The following CREG2 variants were observed in gnomAD, a reference collection of about 807,000 sequenced individuals.
CREG2 encodes the protein protein CREG2.
Under a neutral mutation model 26.2 loss-of-function variants are expected in CREG2, and 24 were observed. The observed-to-expected ratio is 0.92, with a 90% CI of 0.66 to 1.29. The LOEUF is 1.29. CREG2 is among the 50% of genes most tolerant of loss of function. The pLI is 0.00. For synonymous variants in CREG2, 174 were observed against 169.2 expected, an observed-to-expected ratio of 1.03 and a Z score of -0.22; for missense variants, 366 against 398.6, an observed-to-expected ratio of 0.92 and a Z score of 0.70.
chr2:101,364,352 A>G (rs1684589369), intron 2 of CREG2, among the ~76,000 whole-genome samples: 1 of 152,154 alleles, frequency 6.6e-6, no homozygotes, highest in Non-Finnish European at 1.5e-5. Context: ...TACCTGCTAG[A>G]TGCCAGCAGT....
chr2:101,386,517 C>A (rs1326291402), intron 1 of CREG2, among the ~76,000 whole-genome samples: 1 of 152,242 alleles, frequency 6.6e-6, no homozygotes, highest in Non-Finnish European at 1.5e-5. Context: ...CAGAAAAAAT[C>A]GTGAACTCCA....
At chr2:101,363,851 A>AACACACACACACACACAC (rs5832961) in intron 2 of CREG2, among the ~76,000 whole-genome samples, 1 of 145,988 alleles carries the variant, frequency 6.8e-6, no homozygotes, top group Admixed American at 6.9e-5. Flanking sequence ...CCCTGTCTCA[A>AACACACACACACACACAC]ACACACACAC....
intron 2 of CREG2, among the ~76,000 whole-genome samples, chr2:101,369,285 G>A (rs974700336): frequency 2.6e-5 from 4 of 152,160 alleles, no homozygotes; most frequent in South Asian, 2.1e-4. Context: ...GAGAAGCCTG[G>A]GAGGTAGAGC....
intron 2 of CREG2, among the ~76,000 whole-genome samples, chr2:101,361,082 A>T (rs936230326): frequency 6.6e-6 from 1 of 152,250 alleles, no homozygotes; most frequent in Non-Finnish European, 1.5e-5. Flanking sequence ...TAACCTTCAG[A>T]TGTAAGTCAT....
In CREG2 at chr2:101,365,224, G is replaced by C. The variant is rs115719592; in HGVS notation, c.612-9858C>G. On this transcript the variant is annotated intron_variant, in intron 2 of 3. Transcript: ENST00000324768. ...TAGAACAAATAGGATTCTCCTGTTCGGTGCTAGCCTTTCCGGCATCTGCAG... is the reference window on the plus strand; with the variant it reads ...TAGAACAAATAGGATTCTCCTGTTCCGTGCTAGCCTTTCCGGCATCTGCAG... Among the ~76,000 whole-genome samples the C allele has an allele frequency of 4.1e-3, 626 of 152,254 alleles. 3 individuals carry two copies. Among genetic ancestry groups the C allele is most frequent in the Admixed American group, 8.6e-3 (131 of 15,294 alleles).
intron 2 of CREG2, among the ~76,000 whole-genome samples, chr2:101,372,890 C>T (rs1158886466): frequency 1.3e-5 from 2 of 152,188 alleles, no homozygotes; most frequent in Non-Finnish European, 2.9e-5. Flanking sequence ...CAAAAGGATG[C>T]TCAGCATCGT....
At chr2:101,371,411 G>A (rs1379537156) in intron 2 of CREG2, among the ~76,000 whole-genome samples, 1 of 152,212 alleles carries the variant, frequency 6.6e-6, no homozygotes, top group African/African-American at 2.4e-5. Flanking sequence ...GGTGGCTACA[G>A]GGAGAGCAGA....
chr2:101,358,473 GA>G (rs1343942868), intron 2 of CREG2, among the ~76,000 whole-genome samples: 1 of 151,706 alleles, frequency 6.6e-6, no homozygotes, highest in Non-Finnish European at 1.5e-5. Context: ...TACCACATGG[GA>G]AAAAAAAGAG....
intron 1 of CREG2, among the ~76,000 whole-genome samples, chr2:101,386,076 A>C (rs1308300593): frequency 6.6e-6 from 1 of 152,198 alleles, no homozygotes; most frequent in Non-Finnish European, 1.5e-5. Context: ...AGAGGTTAAG[A>C]CCATTGCCAA....
rs143037416 is a variant in CREG2, at chr2:101,386,625, A to G, written c.441+392T>C. 4.6e-4 allele frequency among the ~76,000 whole-genome samples: 70 copies of G among 151,722 alleles called. 1 individual carries two copies. Among genetic ancestry groups the G allele is most frequent in the East Asian group, 3.3e-3 (17 of 5,114 alleles). ...AGAAGGTGATGGGGAGTTCAGGTCT[A>G]TGGGTTTGTGCCCTGCGCTGGGAAG... is the stretch of plus-strand genomic sequence containing the variant. On this transcript the variant is annotated intron_variant, in intron 1 of 3. Coordinates refer to ENST00000324768, the MANE Select transcript of CREG2 (RefSeq NM_153836.4).
intron 2 of CREG2, among the ~76,000 whole-genome samples, chr2:101,372,021 G>T (rs1684715502): frequency 6.6e-6 from 1 of 152,170 alleles, no homozygotes; most frequent in African/African-American, 2.4e-5. Flanking sequence ...TGAAGGCCAG[G>T]TCAGGTTGGG....
chr2:101,376,878 C>T (rs927290667), intron 2 of CREG2, among the ~76,000 whole-genome samples: 1 of 152,088 alleles, frequency 6.6e-6, no homozygotes. Context: ...TTTTAGAAAA[C>T]TTCCCTCTCG....
At position 101,350,060 on chromosome 2, in the gene CREG2, C is replaced by T. The variant is rs1347191712; in HGVS notation, c.*863G>A. 1 of 152,294 alleles carries T rather than the reference C, an allele frequency of 6.6e-6. No individual in the cohort carries two copies. Among genetic ancestry groups the T allele is most frequent in the African/African-American group, 2.4e-5 (1 of 41,462 alleles). The allele number at this position is 152,294 out of a possible 1,614,324, so 9.4% of individuals were successfully genotyped here. A position where few individuals can be genotyped will look rare whatever the true frequency, so the allele number is the denominator to read the frequency against. On this transcript the variant is annotated 3_prime_UTR_variant, in exon 4 of 4. Transcript: ENST00000324768. ...CAGGGCCGGGCAGGCAGTGGGCCCTCAGTTACTGGCTTCCTTTCTTCCTTC... is the reference window on the plus strand; with the variant it reads ...CAGGGCCGGGCAGGCAGTGGGCCCTTAGTTACTGGCTTCCTTTCTTCCTTC...
chr2:101,368,957 A>C (rs1684660899), intron 2 of CREG2, among the ~76,000 whole-genome samples: 1 of 152,214 alleles, frequency 6.6e-6, no homozygotes, highest in Non-Finnish European at 1.5e-5. Context: ...ATTTGCACAG[A>C]CTGAGAGCCA....
intron 2 of CREG2, among the ~76,000 whole-genome samples, chr2:101,358,721 G>A (rs910328964): frequency 1.1e-4 from 16 of 152,204 alleles, no homozygotes; most frequent in Non-Finnish European, 1.9e-4. Context: ...GAATTCAGCT[G>A]AGGGGGGCAT....
intron 2 of CREG2, among the ~76,000 whole-genome samples, chr2:101,370,954 G>T (rs1473972785): frequency 6.6e-6 from 1 of 152,174 alleles, no homozygotes; most frequent in African/African-American, 2.4e-5. Flanking sequence ...TTGCTGCAGT[G>T]CTGACCTCTG....
intron 2 of CREG2, chr2:101,382,734 A>G (rs927138740): frequency 1.8e-5 from 18 of 985,338 alleles, no homozygotes; most frequent in Non-Finnish European, 2.0e-5. Context: ...CTGTGCATAA[A>G]GAATAATAGA....
chr2:101,369,939 G>T (rs544725392), intron 2 of CREG2, among the ~76,000 whole-genome samples: 9 of 152,320 alleles, frequency 5.9e-5, no homozygotes, highest in African/African-American at 2.2e-4. Context: ...CTGTGTTTTT[G>T]TTGGTTCTGC....
intron 2 of CREG2, among the ~76,000 whole-genome samples, chr2:101,363,548 T>C (rs1684575389): frequency 6.6e-6 from 1 of 152,222 alleles, no homozygotes; most frequent in Admixed American, 6.5e-5. Flanking sequence ...TTTATTTTTA[T>C]GTGTTTGTGT....
Sources: allele counts gnomAD v4.1 joint callset (sites outside exome capture counted in the v4.1 genomes callset), GRCh38; gene constraint gnomAD v4.1.1; transcripts MANE v1.5; gene names NCBI Gene and HGNC (gene_info 2026-07-23, HGNC 2026-07-21).